The following CREBBP variants were observed in gnomAD, a reference collection of about 807,000 sequenced individuals.
The protein encoded by CREBBP is CREB binding lysine acetyltransferase.
Under a neutral mutation model 265.0 loss-of-function variants are expected in CREBBP, and 19 were observed. That is an observed-to-expected ratio of 0.07 (90% confidence interval 0.05 to 0.11). The LOEUF is 0.11. Among genes scored for constraint, CREBBP ranks in the 10% least tolerant of loss-of-function variants. The probability of loss-of-function intolerance (pLI) is 1.00; values close to 1 mark genes in which losing one functional copy is unlikely to be tolerated. For synonymous variants in CREBBP, 1,457 were observed against 1,223.7 expected, an observed-to-expected ratio of 1.19 and a Z score of -3.98; for missense variants, 2,525 against 3,219.0, an observed-to-expected ratio of 0.78 and a Z score of 5.22.
At chr16:3,756,957 A>T (rs1228411024) in intron 19 of CREBBP, among the ~76,000 whole-genome samples, 2 of 152,204 alleles carry the variant, frequency 1.3e-5, no homozygotes, top group African/African-American at 4.8e-5. Flanking sequence ...TTTACACTGT[A>T]AAAGTACGCT....
intron 16 of CREBBP, among the ~76,000 whole-genome samples, chr16:3,759,558 G>C (rs901863646): frequency 4.3e-5 from 6 of 138,478 alleles, no homozygotes; most frequent in African/African-American, 2.0e-4. Flanking sequence ...CTGCACTCCA[G>C]CCTGGACAAC....
intron 1 of CREBBP, among the ~76,000 whole-genome samples, chr16:3,868,797 G>C (rs189690539): frequency 1.3e-5 from 2 of 152,212 alleles, no homozygotes; most frequent in Admixed American, 6.5e-5. Context: ...ACAACTCAGA[G>C]TTCCATGAGG....
At chr16:3,824,549 A>G (rs1257817423) in intron 2 of CREBBP, among the ~76,000 whole-genome samples, 1 of 152,228 alleles carries the variant, frequency 6.6e-6, no homozygotes, top group Non-Finnish European at 1.5e-5. Flanking sequence ...CACTCATAAC[A>G]TCGACAGACA....
chr16:3,876,239 T>C (rs1164218807), intron 1 of CREBBP, among the ~76,000 whole-genome samples: 1 of 151,640 alleles, frequency 6.6e-6, no homozygotes, highest in Non-Finnish European at 1.5e-5. Flanking sequence ...GGGGTCTCAC[T>C]ATGTTGTCCA....
rs947032748 is a variant in CREBBP, at chr16:3,751,632, G to A, written c.3779+94C>T. The A allele has an allele frequency of 8.8e-6, 11 of 1,243,442 alleles. No homozygotes were observed. In the African/African-American group the frequency reaches 1.5e-4, roughly 17 times the overall value. The allele number at this position is 1,243,442 out of a possible 1,614,324, so 77.0% of individuals were successfully genotyped here. ...AAAACATTGCAAGGAAGTCAAAATG[G>A]CACCGGTACCTTCCTTATAGTCATT... is the stretch of plus-strand genomic sequence containing the variant. On this transcript the variant is annotated intron_variant, in intron 20 of 30. Transcript: ENST00000262367.
intron 16 of CREBBP, among the ~76,000 whole-genome samples, chr16:3,765,273 G>A (rs28653457): frequency 0.031 from 4,690 of 151,966 alleles, 212 homozygotes; most frequent in East Asian, 0.19. Context: ...ACCGCGTCTG[G>A]CCGCCTGGTA....
chr16:3,878,215 G>T (rs186020529), intron 1 of CREBBP, among the ~76,000 whole-genome samples: 20 of 152,300 alleles, frequency 1.3e-4, no homozygotes, highest in African/African-American at 4.6e-4. Context: ...TATGACCTAC[G>T]TCTCACAGAA....
intron 2 of CREBBP, among the ~76,000 whole-genome samples, chr16:3,844,715 T>C (rs1035401621): frequency 1.3e-5 from 2 of 152,162 alleles, no homozygotes; most frequent in Non-Finnish European, 2.9e-5. Context: ...GAGAATCTCC[T>C]GAAAACGTAT....
chr16:3,810,878 G>T, intron 2 of CREBBP, 99 bp from the exon 3 acceptor site: 1 of 1,223,994 alleles, frequency 8.2e-7, no homozygotes, highest in Non-Finnish European at 1.2e-6. Flanking sequence ...AATACTCATT[G>T]CAATGATAAA....
chr16:3,777,841 C>CA lies in CREBBP; in HGVS notation c.2113+169dup, dbSNP rs2053180663. The CA allele has an allele frequency of 2.8e-6, 3 of 1,072,530 alleles. No individual in the cohort carries two copies. In the African/African-American group the frequency reaches 4.7e-5, roughly 17 times the overall value. The allele number at this position is 1,072,530 out of a possible 1,614,324, so 66.4% of individuals were successfully genotyped here. ...AAAGGGCCTTCCCAAGAGAGAAACT[C>CA]AGTGTCCCAACACAGCCTGAGGCAG... On this transcript the variant is annotated intron_variant, in intron 10 of 30. Transcript: ENST00000262367.
chr16:3,745,408 T>C, intron 21 of CREBBP, 54 bp from the exon 22 acceptor site: 1 of 1,545,104 alleles, frequency 6.5e-7, no homozygotes, highest in African/African-American at 1.4e-5. Context: ...AAGACCAGAG[T>C]CACTTGTAGA....
chr16:3,821,034 G>A (rs1026840548), intron 2 of CREBBP, among the ~76,000 whole-genome samples: 5 of 152,160 alleles, frequency 3.3e-5, no homozygotes, highest in East Asian at 3.9e-4. Flanking sequence ...AAGCAAAAAC[G>A]ACGGGTCAAG....
chr16:3,878,250 G>C (rs559777986), intron 1 of CREBBP, among the ~76,000 whole-genome samples: 1 of 152,214 alleles, frequency 6.6e-6, no homozygotes, highest in Non-Finnish European at 1.5e-5. Flanking sequence ...AACACAGCAA[G>C]ATTAATGAAG....
At position 3,726,925 on chromosome 16, in the gene CREBBP, T is replaced by G; in HGVS notation, c.*793A>C. ...TTCTCGAGTTTCGTATTTATAGGAA[T>G]TAGAGCGCTTGCATGATTTACACTA... On this transcript the variant is annotated 3_prime_UTR_variant, in exon 31 of 31. Transcript: ENST00000262367. The G allele has an allele frequency of 4.3e-6, 1 of 233,638 alleles. No homozygotes were observed. Among genetic ancestry groups the G allele is most frequent in the East Asian group, 6.0e-5 (1 of 16,560 alleles). 14.5% of individuals were successfully genotyped at this position (233,638 alleles called of 1,614,324 possible).
chr16:3,879,714 G>A (rs2055484099), intron 1 of CREBBP, 118 bp downstream of exon 1: 9 of 1,091,882 alleles, frequency 8.2e-6, no homozygotes, highest in Non-Finnish European at 1.2e-5. Context: ...ACGGGCTGCG[G>A]GGCCTGCTCC....
chr16:3,879,410 C>A (rs1054739758), intron 1 of CREBBP, among the ~76,000 whole-genome samples: 1 of 152,210 alleles, frequency 6.6e-6, no homozygotes, highest in African/African-American at 2.4e-5. Context: ...CCAGAAAACA[C>A]ACTGCCCTAC....
intron 1 of CREBBP, among the ~76,000 whole-genome samples, chr16:3,868,763 G>A (rs1299239338): frequency 2.6e-5 from 4 of 152,078 alleles, no homozygotes; most frequent in Admixed American, 1.3e-4. Context: ...TGGGCACCAC[G>A]GGACTGCTCA....
At chr16:3,827,317 T>TA (rs1205285070) in intron 2 of CREBBP, among the ~76,000 whole-genome samples, 1 of 152,212 alleles carries the variant, frequency 6.6e-6, no homozygotes, top group Non-Finnish European at 1.5e-5. Flanking sequence ...ACTCAGAACA[T>TA]AAAAATCAAA....
At chr16:3,870,966 G>A (rs1487888317) in intron 1 of CREBBP, among the ~76,000 whole-genome samples, 1 of 150,908 alleles carries the variant, frequency 6.6e-6, no homozygotes, top group Non-Finnish European at 1.5e-5. Flanking sequence ...GACCAGCTTG[G>A]GCAAGCAAGA....
Sources: gnomAD v4.1 joint callset for allele counts (sites outside exome capture counted in the v4.1 genomes callset) on GRCh38, gnomAD v4.1.1 for gene constraint, MANE v1.5 for transcripts, NCBI Gene and HGNC (gene_info 2026-07-23, HGNC 2026-07-21) for gene names.